HDLBP: variants seen among roughly 807,000 people sequenced by gnomAD.
The protein encoded by HDLBP is high density lipoprotein binding protein, also known as vigilin.
Under a neutral mutation model 137.3 loss-of-function variants are expected in HDLBP, and 30 were observed. The observed-to-expected ratio is 0.22, with a 90% CI of 0.16 to 0.30. HDLBP has a LOEUF of 0.30. Ranked by LOEUF, HDLBP falls within the 10% of genes least tolerant of loss-of-function variation. HDLBP has a pLI of 1.00. For synonymous variants in HDLBP, 606 were observed against 596.0 expected (o/e 1.02, Z -0.24); for missense variants, 1,119 against 1,667.3 (o/e 0.67, Z 5.73).
At chr2:241,231,839 AAAC>A (rs1438999771) in intron 24 of HDLBP, among the ~76,000 whole-genome samples, 5 of 152,266 alleles carry the variant, frequency 3.3e-5, no homozygotes, top group African/African-American at 1.2e-4. Flanking sequence ...CAATCGGCGA[AAAC>A]AACATGTCCA....
chr2:241,252,590 C>T (rs75327288), intron 11 of HDLBP, among the ~76,000 whole-genome samples: 2,377 of 152,316 alleles, frequency 0.016, 51 homozygotes, highest in African/African-American at 0.052. Flanking sequence ...GCAGTTTCCA[C>T]GTTCAGAAGG....
At chr2:241,251,443 A>G (rs1217691864) in intron 11 of HDLBP, among the ~76,000 whole-genome samples, 5 of 152,236 alleles carry the variant, frequency 3.3e-5, no homozygotes, top group Admixed American at 2.0e-4. Context: ...AGGCCACAGC[A>G]CAGCTGCCAA....
In HDLBP at chr2:241,238,608, G is replaced by A. The variant is rs369057219; in HGVS notation, c.2749+41C>T. On this transcript the variant is annotated intron_variant, in intron 20 of 27. Transcript: ENST00000310931. The surrounding 1 kb of genome is among the most constrained non-coding windows in gnomAD (Gnocchi z 4.9). Reference sequence around the variant, plus strand: ...CAGCCCCGCCTCTCACATGGGAGGCGCCACTATTAACAAGCAGAGCAGGGC... The same window carrying A: ...CAGCCCCGCCTCTCACATGGGAGGCACCACTATTAACAAGCAGAGCAGGGC... The A allele has an allele frequency of 4.7e-5, 68 of 1,434,688 alleles. No individual in the cohort carries two copies. The highest frequency in any genetic ancestry group is 7.5e-5 in the East Asian group (3 of 40,222). The allele number at this position is 1,434,688 out of a possible 1,614,324, so 88.9% of individuals were successfully genotyped here. A position where few individuals can be genotyped will look rare whatever the true frequency, so the allele number is the denominator to read the frequency against.
chr2:241,301,846 T>C (rs1370449792), intron 1 of HDLBP, among the ~76,000 whole-genome samples: 1 of 151,848 alleles, frequency 6.6e-6, no homozygotes, highest in Non-Finnish European at 1.5e-5. Flanking sequence ...TCAGAAACCA[T>C]ACATCTTATA....
At chr2:241,252,088 C>T (rs1455108248) in intron 11 of HDLBP, among the ~76,000 whole-genome samples, 1 of 152,216 alleles carries the variant, frequency 6.6e-6, no homozygotes, top group Non-Finnish European at 1.5e-5. Context: ...ACAGGTGAGG[C>T]ACACAGCGAC....
Position 241,236,752 on chromosome 2 carries a change from C to G in HDLBP, c.2767G>C (p.Val923Leu). 1 of 1,614,168 alleles carries G rather than the reference C, an allele frequency of 6.2e-7. No individual in the cohort carries two copies. Among genetic ancestry groups the G allele is most frequent in the Non-Finnish European group, 8.5e-7 (1 of 1,180,004 alleles). Reference protein sequence around the residue: ...EENAVHSTEPVVQENGDEAGE... With the variant: ...EENAVHSTEPLVQENGDEAGE... ...GCTTCGTCCCCATTCTCCTGGACAA[C>G]TGGCTCTGTACTGTGAACTAGAGAG... Residue 923 changes from valine (V) to leucine (L), a missense_variant, in exon 21 of 28, where the codon GTT (valine) becomes CTT (leucine). Physicochemically the swap from Val to Leu is conservative, Grantham distance 32. Coordinates refer to ENST00000310931, the MANE Select transcript of HDLBP (RefSeq NM_005336.6).
Position 241,272,803 on chromosome 2 carries a change from C to T in HDLBP, c.-102-4262G>A. The T allele has an allele frequency of 7.2e-6, 2 of 277,090 alleles. No homozygotes were observed. Among genetic ancestry groups the T allele is most frequent in the South Asian group, 1.4e-4 (1 of 7,314 alleles). 17.2% of individuals were successfully genotyped at this position (277,090 alleles called of 1,614,324 possible). On this transcript the variant is annotated intron_variant, in intron 1 of 27. Coordinates refer to ENST00000310931, the MANE Select transcript of HDLBP (RefSeq NM_005336.6). The surrounding 1 kb of genome is among the most constrained non-coding windows in gnomAD (Gnocchi z 5.6). Reference sequence around the variant, plus strand: ...CTGGTCCTGCCGCTGGCTTACTCGCCCCCCGCGCGGGAGAAGCCGGGACGC... The same window carrying T: ...CTGGTCCTGCCGCTGGCTTACTCGCTCCCCGCGCGGGAGAAGCCGGGACGC...
At chr2:241,287,004 T>C (rs1219844929) in intron 1 of HDLBP, among the ~76,000 whole-genome samples, 2 of 151,934 alleles carry the variant, frequency 1.3e-5, no homozygotes, top group African/African-American at 4.8e-5. Flanking sequence ...AAATAGGTCT[T>C]CACCCTGTAT....
chr2:241,258,020 G>A (rs536650410), intron 5 of HDLBP, among the ~76,000 whole-genome samples: 5 of 152,286 alleles, frequency 3.3e-5, no homozygotes, highest in East Asian at 1.9e-4. Flanking sequence ...CCGGGAAGCC[G>A]AGATGAGAGG....
chr2:241,242,906 G>A, intron 16 of HDLBP: 1 of 561,262 alleles, frequency 1.8e-6, no homozygotes, highest in Non-Finnish European at 3.2e-6. Context: ...CAGGCGCGCT[G>A]GGAGGTGTTT....
chr2:241,243,531 C>T (rs940676134), intron 16 of HDLBP: 4 of 152,536 alleles, frequency 2.6e-5, no homozygotes, highest in Admixed American at 6.6e-5. Flanking sequence ...GCAGCTCAGT[C>T]GGGGCCTGGT....
In HDLBP at chr2:241,262,618, G is replaced by C. The variant is rs188585136; in HGVS notation, c.450+93C>G. The stretch of plus-strand genomic sequence containing the variant: ...AAAAGACGGAACTGTCCCACTGGTA[G>C]GAAGGGTCCAGTGACGTTCTAGCCT... On this transcript the variant is annotated intron_variant, in intron 5 of 27. Coordinates refer to ENST00000310931, the MANE Select transcript of HDLBP (RefSeq NM_005336.6). The C allele has an allele frequency of 1.3e-5, 12 of 912,956 alleles. No homozygotes were observed. The East Asian group carries it at 2.7e-4, about 21-fold the overall frequency. 56.6% of individuals were successfully genotyped at this position (912,956 alleles called of 1,614,324 possible). A position where few individuals can be genotyped will look rare whatever the true frequency, so the allele number is the denominator to read the frequency against.
At chr2:241,298,344 C>T (rs967797910) in intron 1 of HDLBP, among the ~76,000 whole-genome samples, 2 of 151,268 alleles carry the variant, frequency 1.3e-5, no homozygotes, top group South Asian at 2.1e-4. Flanking sequence ...CCTGCCTGGG[C>T]GACAGAGTGA....
At chr2:241,264,341 G>A (rs554953294) in intron 4 of HDLBP, 107 bp downstream of exon 4, 114 of 749,654 alleles carry the variant, frequency 1.5e-4, no homozygotes, top group African/African-American at 1.3e-3. Flanking sequence ...CAGCCTGGGC[G>A]ACAGAGCGGG....
intron 9 of HDLBP, 90 bp downstream of exon 9, chr2:241,254,961 C>A: frequency 1.0e-6 from 1 of 1,001,316 alleles, no homozygotes; most frequent in Non-Finnish European, 1.6e-6. Context: ...CAAGGGCATC[C>A]ACAGTACAAA....
At chr2:241,268,234 C>T (rs545490838) in intron 2 of HDLBP, among the ~76,000 whole-genome samples, 1 of 152,304 alleles carries the variant, frequency 6.6e-6, no homozygotes, top group East Asian at 1.9e-4. Context: ...ACATAATTCA[C>T]ATTTAAGAAA....
chr2:241,278,404 G>A (rs779974627), intron 1 of HDLBP, among the ~76,000 whole-genome samples: 17 of 152,100 alleles, frequency 1.1e-4, no homozygotes, highest in Non-Finnish European at 2.1e-4. Flanking sequence ...CCAATATGGC[G>A]AAACTCCGTC....
chr2:241,273,695 A>T (rs2074279741), intron 1 of HDLBP: 1 of 982,634 alleles, frequency 1.0e-6, no homozygotes, highest in Non-Finnish European at 1.2e-6. Context: ...GTATCTGGGG[A>T]CAAGACCGTC....
At chr2:241,310,510 C>T (rs904733073) in intron 1 of HDLBP, among the ~76,000 whole-genome samples, 2 of 152,150 alleles carry the variant, frequency 1.3e-5, no homozygotes, top group African/African-American at 4.8e-5. Flanking sequence ...CGTAACATCA[C>T]TTTGTACCCC....
Sources: allele counts gnomAD v4.1 joint callset (sites outside exome capture counted in the v4.1 genomes callset), GRCh38; gene constraint gnomAD v4.1.1; non-coding constraint Gnocchi (gnomAD v3.1); transcripts MANE v1.5; gene names NCBI Gene and HGNC (gene_info 2026-07-23, HGNC 2026-07-21).